Variants in AGXT2 observed in about 807,000 individuals in gnomAD.
The protein encoded by AGXT2 is alanine--glyoxylate aminotransferase 2, also known as alanine--glyoxylate aminotransferase 2, mitochondrial.
A neutral mutation model predicts 62.5 loss-of-function variants in AGXT2; 61 were observed. That is an observed-to-expected ratio of 0.98 (90% confidence interval 0.79 to 1.21). The LOEUF is 1.21. Among genes scored for constraint, AGXT2 ranks in the 50% most tolerant of loss-of-function variants. The probability of loss-of-function intolerance (pLI) is 0.00; values close to 1 mark genes in which losing one functional copy is unlikely to be tolerated. For missense variants in AGXT2, 666 were observed against 641.5 expected (o/e 1.04, Z -0.41); for synonymous variants, 243 against 218.7 (o/e 1.11, Z -0.98).
chr5:34,998,838 C>T lies in AGXT2; in HGVS notation c.1438-12G>A. 2 of 1,576,830 alleles carry T rather than the reference C, an allele frequency of 1.3e-6. No homozygotes were observed. Among genetic ancestry groups the T allele is most frequent in the South Asian group, 1.1e-5 (1 of 90,234 alleles). On this transcript the variant is annotated splice_polypyrimidine_tract_variant and intron_variant, in intron 13 of 13. Transcript: ENST00000231420. ...GCAATGCGAAATGTCTGAGGAGACA[C>T]CAAAAAATAAGAAAACAAATCATCA...
chr5:35,038,479 G>A (rs2112281355), intron 3 of AGXT2, among the ~76,000 whole-genome samples: 1 of 152,284 alleles, frequency 6.6e-6, no homozygotes, highest in African/African-American at 2.4e-5. Context: ...GACTTTGCAT[G>A]GGACTAAGGT....
chr5:35,039,431 G>C lies in AGXT2; in HGVS notation c.255C>G (p.Pro85=), dbSNP rs1459381294. Residue 85 remains proline, a synonymous_variant, in exon 3 of 14, where the codon CCC becomes CCG. Coordinates refer to ENST00000231420, the MANE Select transcript of AGXT2 (RefSeq NM_031900.4). Reference sequence around the variant, plus strand: ...CCATGTGCCCCTGGTGGAGCAGCAGGGGTTTCTGGAAATATGCCGTCACCA... The same window carrying C: ...CCATGTGCCCCTGGTGGAGCAGCAGCGGTTTCTGGAAATATGCCGTCACCA... ...SPVVTAYFQK[P]LLLHQGHMEW... is the part of the protein sequence containing the mutation. 2 of 1,614,018 alleles carry C rather than the reference G, an allele frequency of 1.2e-6. No homozygotes were observed. The highest frequency in any genetic ancestry group is 4.5e-5 in the East Asian group (2 of 44,894).
rs1766325888 is a variant in AGXT2 at position 35,003,845 on chromosome 5, A to G, written c.1355T>C (p.Leu452Pro). ...MVQDKISCRP[L>P]PREEVNQIHE... Reference sequence around the variant, plus strand: ...GATCTGATTTACTTCTTCACGGGGAAGAGGCCGACAGCTTATCTGTAAATA... The same window carrying G: ...GATCTGATTTACTTCTTCACGGGGAGGAGGCCGACAGCTTATCTGTAAATA... The change falls in exon 13 of 14, where the codon CTT becomes CCT. Residue 452 changes from leucine to proline, a missense_variant. Transcript: ENST00000231420. 2 of 1,614,028 alleles carry G rather than the reference A, an allele frequency of 1.2e-6. No individual in the cohort carries two copies. The highest frequency in any genetic ancestry group is 1.7e-5 in the Admixed American group (1 of 60,010).
rs1384884021 is a variant in AGXT2 at position 35,038,080 on chromosome 5, G to T, written c.363-1015C>A. ...AGATTTCTTTACTACAGACATTTTA[G>T]TACCTATAATAGACTAGTGTACGCT... On this transcript the variant is annotated intron_variant, in intron 3 of 13. Coordinates refer to ENST00000231420, the MANE Select transcript of AGXT2 (RefSeq NM_031900.4). Among the ~76,000 whole-genome samples the T allele has an allele frequency of 2.6e-5, 4 of 152,134 alleles. No individual in the cohort carries two copies. In the East Asian group the frequency reaches 5.8e-4, roughly 22 times the overall value.
At chr5:35,020,185 T>G (rs888489618) in intron 9 of AGXT2, among the ~76,000 whole-genome samples, 2 of 152,042 alleles carry the variant, frequency 1.3e-5, no homozygotes, top group African/African-American at 4.8e-5. Flanking sequence ...ACTATTCCAA[T>G]CAACAGAAAA....
At chr5:35,002,785 G>C (rs999315355) in intron 13 of AGXT2, among the ~76,000 whole-genome samples, 1 of 151,964 alleles carries the variant, frequency 6.6e-6, no homozygotes, top group Admixed American at 6.6e-5. Flanking sequence ...CTGGGGGGGG[G>C]GACTAACACG....
chr5:35,036,903 C>T (rs1256154749), intron 4 of AGXT2, 39 bp downstream of exon 4: 1 of 1,610,798 alleles, frequency 6.2e-7, no homozygotes, highest in Non-Finnish European at 8.5e-7. Flanking sequence ...CTTTTTTTTT[C>T]CCCCATAACA....
intron 7 of AGXT2, among the ~76,000 whole-genome samples, chr5:35,028,786 G>A (rs990006325): frequency 1.3e-5 from 2 of 152,184 alleles, no homozygotes; most frequent in Non-Finnish European, 2.9e-5. Flanking sequence ...AGAGAAAGAT[G>A]TGGAAGGGAT....
chr5:35,012,410 T>G (rs1766679414), intron 11 of AGXT2: 1 of 154,008 alleles, frequency 6.5e-6, no homozygotes, highest in South Asian at 2.0e-4. Context: ...AGAAATTTGT[T>G]ACAGTTCTTT....
At chr5:35,000,875 C>T (rs2112157575) in intron 13 of AGXT2, among the ~76,000 whole-genome samples, 1 of 152,298 alleles carries the variant, frequency 6.6e-6, no homozygotes, top group African/African-American at 2.4e-5. Context: ...ATATTTTTGA[C>T]TTTACAATGA....
Position 35,010,025 on chromosome 5 carries a change from A to G in AGXT2, c.1313T>C (p.Ile438Thr), listed in dbSNP as rs759563019. Reference sequence around the variant, plus strand: ...CTTATCCTGCACCATTTCTATGCCTATCATGAGACCTTTGCCTCGGACGTC... The same window carrying G: ...CTTATCCTGCACCATTTCTATGCCTGTCATGAGACCTTTGCCTCGGACGTC... ...VGDVRGKGLM[I>T]GIEMVQDKIS... Residue 438 changes from isoleucine (I) to threonine (T), a missense_variant, in exon 12 of 14, where the codon ATA becomes ACA. Transcript: ENST00000231420. 1.7e-5 allele frequency: 27 copies of G among 1,614,216 alleles called. No individual in the cohort carries two copies. Among genetic ancestry groups the G allele is most frequent in the Non-Finnish European group, 2.1e-5 (25 of 1,180,030 alleles).
Position 35,013,621 on chromosome 5 carries a change from A to C in AGXT2, c.1096+366T>G, listed in dbSNP as rs550872430. 2.0e-3 allele frequency among the ~76,000 whole-genome samples: 309 copies of C among 152,272 alleles called. 1 individual carries two copies. The highest frequency in any genetic ancestry group is 0.014 in the Middle Eastern group (4 of 294). Reference sequence around the variant, plus strand: ...ACATGGTGAAACTCCGTTTCTACTAAAAATACAAAAATTAGCTGGGCGTGG... The same window carrying C: ...ACATGGTGAAACTCCGTTTCTACTACAAATACAAAAATTAGCTGGGCGTGG... On this transcript the variant is annotated intron_variant, in intron 10 of 13. Transcript: ENST00000231420.
chr5:35,018,196 A>C (rs2112216026), intron 9 of AGXT2, among the ~76,000 whole-genome samples: 1 of 152,340 alleles, frequency 6.6e-6, no homozygotes, highest in South Asian at 2.1e-4. Context: ...AGGCAGGCCA[A>C]CATTCAGATT....
chr5:35,000,449 C>T (rs1253992762), intron 13 of AGXT2, among the ~76,000 whole-genome samples: 1 of 152,144 alleles, frequency 6.6e-6, no homozygotes, highest in Non-Finnish European at 1.5e-5. Flanking sequence ...GGCACAATCT[C>T]GGCTCACTGC....
chr5:35,018,679 A>C (rs1188674105), intron 9 of AGXT2, among the ~76,000 whole-genome samples: 26 of 150,958 alleles, frequency 1.7e-4, no homozygotes, highest in South Asian at 8.6e-4. Context: ...CGAGCAAAAT[A>C]ACCAGCTAAC....
intron 11 of AGXT2, among the ~76,000 whole-genome samples, chr5:35,011,215 T>A (rs989604870): frequency 1.3e-5 from 2 of 152,134 alleles, no homozygotes; most frequent in African/African-American, 4.8e-5. Flanking sequence ...ATACCAGCAC[T>A]TTGGGAGGCT....
intron 9 of AGXT2, among the ~76,000 whole-genome samples, chr5:35,023,383 G>A (rs1767193015): frequency 6.6e-6 from 1 of 152,116 alleles, no homozygotes; most frequent in Non-Finnish European, 1.5e-5. Flanking sequence ...TACTCAGAGA[G>A]TTCCAGCTAT....
At chr5:35,011,665 G>T (rs1479401947) in intron 11 of AGXT2, among the ~76,000 whole-genome samples, 1 of 152,014 alleles carries the variant, frequency 6.6e-6, no homozygotes, top group Non-Finnish European at 1.5e-5. Flanking sequence ...GAGTGTAACT[G>T]CTAGTGGGAC....
At chr5:35,039,237 A>G in intron 3 of AGXT2, 87 bp downstream of exon 3, 1 of 1,444,278 alleles carries the variant, frequency 6.9e-7, no homozygotes, top group Non-Finnish European at 9.7e-7. Context: ...AACCAAGATA[A>G]GCAAATCAAG....
Sources: allele counts gnomAD v4.1 joint callset (sites outside exome capture counted in the v4.1 genomes callset), GRCh38; gene constraint gnomAD v4.1.1; transcripts MANE v1.5; gene names NCBI Gene and HGNC (gene_info 2026-07-23, HGNC 2026-07-21).